BUB1B: variants seen among roughly 807,000 people sequenced by gnomAD.
BUB1B encodes the protein mitotic checkpoint serine/threonine-protein kinase BUB1 beta.
A neutral mutation model predicts 137.7 loss-of-function variants in BUB1B; 86 were observed. The ratio of observed to expected loss-of-function variants is 0.62; its 90% CI spans 0.52 to 0.75. The LOEUF is 0.75. Among genes scored for constraint, BUB1B ranks in the 30% least tolerant of loss-of-function variants. BUB1B has a pLI of 0.00. For missense variants in BUB1B, 1,130 were observed against 1,236.9 expected (o/e 0.91, Z 1.30); for synonymous variants, 420 against 417.9 (o/e 1.00, Z -0.06).
chr15:40,184,728 C>T (rs1484323090), intron 6 of BUB1B, among the ~76,000 whole-genome samples: 1 of 152,022 alleles, frequency 6.6e-6, no homozygotes, highest in Non-Finnish European at 1.5e-5. Context: ...GGTTAATAAC[C>T]AGCCCCACAA....
chr15:40,219,066 C>G (rs2037847301), intron 22 of BUB1B, among the ~76,000 whole-genome samples: 1 of 152,138 alleles, frequency 6.6e-6, no homozygotes, highest in Non-Finnish European at 1.5e-5. Flanking sequence ...CGTGCGCCAC[C>G]ATGCCTGGCT....
chr15:40,204,825 A>C (rs1319054704), intron 14 of BUB1B, among the ~76,000 whole-genome samples: 1 of 151,282 alleles, frequency 6.6e-6, no homozygotes, highest in East Asian at 1.9e-4. Context: ...TTGGAGAGAC[A>C]GGGTTTTGCC....
At chr15:40,185,420 G>T in intron 7 of BUB1B, 41 bp downstream of exon 7, 1 of 1,606,374 alleles carries the variant, frequency 6.2e-7, no homozygotes, top group East Asian at 2.2e-5. Context: ...ACACAACAAA[G>T]ACTTCACATT....
At chr15:40,216,570 TA>T (rs200074915) in intron 20 of BUB1B, among the ~76,000 whole-genome samples, 22,254 of 68,528 alleles carry the variant, frequency 0.32, 2,279 homozygotes, top group East Asian at 0.44. Flanking sequence ...TATATATATA[TA>T]TTTTTTTTTT....
chr15:40,208,861 G>T (rs1166468647), intron 16 of BUB1B, 91 bp downstream of exon 16: 4 of 1,313,216 alleles, frequency 3.0e-6, no homozygotes, highest in Admixed American at 1.7e-5. Flanking sequence ...TTGAGACAGG[G>T]TCTCACTCTG....
chr15:40,186,636 G>T (rs1367268310), intron 8 of BUB1B, among the ~76,000 whole-genome samples: 1 of 150,368 alleles, frequency 6.7e-6, no homozygotes, highest in African/African-American at 2.4e-5. Context: ...TAGTGGACAC[G>T]GGGTTTCACC....
At chr15:40,164,958 C>A in intron 1 of BUB1B, 95 bp from the exon 2 acceptor site, 2 of 1,478,856 alleles carry the variant, frequency 1.4e-6, no homozygotes, top group Non-Finnish European at 1.9e-6. Context: ...CAACCCAAGA[C>A]CATGAATAAT....
Position 40,170,608 on chromosome 15 carries a change from G to T in BUB1B, c.311G>T (p.Arg104Ile). 6.2e-7 allele frequency: 1 copy of T among 1,613,030 alleles called. No individual in the cohort carries two copies. Among genetic ancestry groups the T allele is most frequent in the East Asian group, 2.2e-5 (1 of 44,822 alleles). Reference sequence around the variant, plus strand: ...AGTAATATGTCAACGTTATTAGAAAGAGCTGTAGAAGCACTACAAGGAGAA... The same window carrying T: ...AGTAATATGTCAACGTTATTAGAAATAGCTGTAGAAGCACTACAAGGAGAA... ...KESNMSTLLE[R>I]AVEALQGEKR... The change falls in exon 4 of 23, where the codon AGA becomes ATA. Residue 104 changes from arginine to isoleucine, a missense_variant. Arg to Ile is a moderately conservative substitution (Grantham distance 97). Transcript: ENST00000287598.
intron 20 of BUB1B, among the ~76,000 whole-genome samples, chr15:40,215,251 A>G (rs535383386): frequency 2.6e-5 from 4 of 152,274 alleles, no homozygotes; most frequent in African/African-American, 9.6e-5. Context: ...AGGCGGGCAG[A>G]TCACCTGAGG....
At chr15:40,171,094 G>A (rs1282364821) in intron 4 of BUB1B, among the ~76,000 whole-genome samples, 1 of 151,816 alleles carries the variant, frequency 6.6e-6, no homozygotes, top group Admixed American at 6.6e-5. Flanking sequence ...GTGCCATTAC[G>A]TCCAGCTAAT....
At chr15:40,195,149 C>T (rs191181058) in intron 8 of BUB1B, among the ~76,000 whole-genome samples, 6 of 151,990 alleles carry the variant, frequency 3.9e-5, no homozygotes, top group African/African-American at 4.8e-5. Context: ...ATCCTTTCCC[C>T]CAAATCCCCA....
At chr15:40,194,544 T>G (rs142922937) in intron 8 of BUB1B, among the ~76,000 whole-genome samples, 15 of 152,334 alleles carry the variant, frequency 9.8e-5, no homozygotes, top group Non-Finnish European at 1.9e-4. Flanking sequence ...GACCCTACCA[T>G]TACAGTTTTT....
chr15:40,191,612 T>G (rs561737310), intron 8 of BUB1B, among the ~76,000 whole-genome samples: 1 of 152,250 alleles, frequency 6.6e-6, no homozygotes, highest in East Asian at 1.9e-4. Flanking sequence ...TTAGCTCTTA[T>G]ATTTAGGTCT....
At chr15:40,199,586 A>G in intron 9 of BUB1B, 29 bp from the exon 10 acceptor site, 2 of 1,576,226 alleles carry the variant, frequency 1.3e-6, no homozygotes, top group Non-Finnish European at 1.7e-6. Context: ...TATGAGGAAT[A>G]ATACCTCAAG....
intron 5 of BUB1B, among the ~76,000 whole-genome samples, chr15:40,177,714 T>C (rs910519930): frequency 6.6e-6 from 1 of 151,982 alleles, no homozygotes; most frequent in Non-Finnish European, 1.5e-5. Flanking sequence ...TGACTTTCTA[T>C]ATAAGTTTTA....
At chr15:40,199,876 A>G (rs1350268338) in intron 10 of BUB1B, 149 bp downstream of exon 10, 1 of 694,386 alleles carries the variant, frequency 1.4e-6, no homozygotes. Context: ...TGAGCGGGAA[A>G]GTAATTTAAC....
chr15:40,212,131 G>A (rs2037721376), intron 18 of BUB1B, among the ~76,000 whole-genome samples: 1 of 152,188 alleles, frequency 6.6e-6, no homozygotes, highest in African/African-American at 2.4e-5. Context: ...CACTGCACTA[G>A]GCCTACCTTC....
chr15:40,216,565 A>C (rs1417849799), intron 20 of BUB1B, among the ~76,000 whole-genome samples: 1 of 78,688 alleles, frequency 1.3e-5, no homozygotes, highest in Admixed American at 1.4e-4. Context: ...ATATATATAT[A>C]TATATATTTT....
At chr15:40,178,991 C>T (rs1045088905) in intron 5 of BUB1B, among the ~76,000 whole-genome samples, 2 of 152,008 alleles carry the variant, frequency 1.3e-5, no homozygotes, top group Admixed American at 1.3e-4. Context: ...GAACCCCATG[C>T]CCATTAGCAG....
Sources: allele counts gnomAD v4.1 joint callset (sites outside exome capture counted in the v4.1 genomes callset), GRCh38; gene constraint gnomAD v4.1.1; transcripts MANE v1.5; gene names NCBI Gene and HGNC (gene_info 2026-07-23, HGNC 2026-07-21).